APBA2: variants seen among roughly 807,000 people sequenced by gnomAD.
APBA2 encodes amyloid-beta A4 precursor protein-binding family A member 2.
A neutral mutation model predicts 75.0 loss-of-function variants in APBA2; 30 were observed. The observed-to-expected ratio is 0.40, with a 90% CI of 0.30 to 0.54. APBA2 has a LOEUF of 0.54. APBA2 is among the 20% of genes least tolerant of loss of function. APBA2 has a pLI of 0.49. For synonymous variants in APBA2, 444 were observed against 409.6 expected, an observed-to-expected ratio of 1.08 and a Z score of -1.01; for missense variants, 801 against 1,016.1, an observed-to-expected ratio of 0.79 and a Z score of 2.88.
intron 1 of APBA2, among the ~76,000 whole-genome samples, chr15:28,889,943 C>T (rs1181414814): frequency 1.3e-5 from 2 of 152,230 alleles, no homozygotes; most frequent in Non-Finnish European, 2.9e-5. Context: ...TCTTACCACT[C>T]AATTGTAAAA....
chr15:28,897,908 G>A (rs537998285), intron 1 of APBA2, among the ~76,000 whole-genome samples: 1 of 152,276 alleles, frequency 6.6e-6, no homozygotes, highest in African/African-American at 2.4e-5. Context: ...TGGTTTTGCA[G>A]ATGTGTTTAA....
rs778216048 is a variant in APBA2 at position 29,054,465 on chromosome 15, A to G, written c.581A>G (p.Gln194Arg). The change falls in exon 4 of 15, where the codon CAG becomes CGG. Residue 194 changes from glutamine to arginine, a missense_variant. By Grantham distance (43) the Gln-to-Arg change is conservative (BLOSUM62 1). This residue lies in a region of APBA2 where 434 missense variants were observed against 471.6 expected (regional missense o/e 0.92). Coordinates refer to ENST00000683413, the MANE Select transcript of APBA2 (RefSeq NM_001353788.2). This position sits in a 1 kb window ranked among gnomAD's most constrained non-coding sequence, Gnocchi z 6.1. ...TACTGTGCCAGCAAAGAGGGCTACC[A>G]GGACTACTACCCCGAGGAGGCCAAC... is the stretch of plus-strand genomic sequence containing the variant. Reference protein sequence around the residue: ...GHYCASKEGYQDYYPEEANGN... With the variant: ...GHYCASKEGYRDYYPEEANGN... 6.2e-7 allele frequency: 1 copy of G among 1,614,002 alleles called. No individual in the cohort carries two copies.
intron 4 of APBA2, among the ~76,000 whole-genome samples, chr15:29,068,099 T>C (rs1013137073): frequency 6.6e-6 from 1 of 152,226 alleles, no homozygotes; most frequent in Admixed American, 6.5e-5. Flanking sequence ...TTTCTCAGAA[T>C]GTGTGCAGGG....
intron 4 of APBA2, among the ~76,000 whole-genome samples, chr15:29,058,184 C>G (rs1416274007): frequency 6.6e-6 from 1 of 152,136 alleles, no homozygotes; most frequent in East Asian, 1.9e-4. Context: ...GATGTATTCA[C>G]AGAGGACATT....
chr15:29,085,479 T>C (rs1017305294), intron 6 of APBA2, among the ~76,000 whole-genome samples: 5 of 146,100 alleles, frequency 3.4e-5, no homozygotes, highest in Non-Finnish European at 5.9e-5. Context: ...GAGCCGAGAT[T>C]GCACCACTGC....
intron 1 of APBA2, among the ~76,000 whole-genome samples, chr15:28,913,045 C>A (rs1595443192): frequency 6.6e-6 from 1 of 152,326 alleles, no homozygotes; most frequent in East Asian, 1.9e-4. Context: ...CTATCTGGGA[C>A]AGGGACCATT....
intron 1 of APBA2, among the ~76,000 whole-genome samples, chr15:28,909,051 A>G (rs1460236285): frequency 1.3e-5 from 2 of 149,390 alleles, no homozygotes; most frequent in African/African-American, 2.5e-5. Flanking sequence ...CAGTGGTGCA[A>G]TCTCGGCTCA....
intron 8 of APBA2, among the ~76,000 whole-genome samples, chr15:29,095,849 A>G (rs919240912): frequency 1.3e-5 from 2 of 152,330 alleles, no homozygotes; most frequent in Admixed American, 1.3e-4. Context: ...AATGTGCCAC[A>G]CATTGCAGAC....
At chr15:28,975,652 AAAAAC>A (rs1200188700) in intron 2 of APBA2, among the ~76,000 whole-genome samples, 1 of 152,254 alleles carries the variant, frequency 6.6e-6, no homozygotes, top group Non-Finnish European at 1.5e-5. Context: ...GCATTAGGAA[AAAAAC>A]AAAACAAAAC....
chr15:29,065,476 A>G (rs1392196134), intron 4 of APBA2, among the ~76,000 whole-genome samples: 2 of 152,196 alleles, frequency 1.3e-5, no homozygotes, highest in Non-Finnish European at 2.9e-5. Flanking sequence ...ACATGTGACT[A>G]TGGTAATAGG....
At chr15:29,066,155 C>G (rs1008026060) in intron 4 of APBA2, among the ~76,000 whole-genome samples, 1 of 152,022 alleles carries the variant, frequency 6.6e-6, no homozygotes, top group Non-Finnish European at 1.5e-5. Context: ...ATAGCATGTT[C>G]ATTATTCATT....
chr15:29,021,519 G>A (rs552485608), intron 3 of APBA2, among the ~76,000 whole-genome samples: 44 of 152,228 alleles, frequency 2.9e-4, no homozygotes, highest in Middle Eastern at 3.4e-3. Context: ...CATATTTAAT[G>A]TACAACTTTG....
chr15:29,054,230 T>C lies in APBA2; in HGVS notation c.346T>C (p.Cys116Arg). 1.2e-6 allele frequency: 2 copies of C among 1,614,084 alleles called. No homozygotes were observed. The highest frequency in any genetic ancestry group is 1.7e-6 in the Non-Finnish European group (2 of 1,180,018). The change falls in exon 4 of 15, where the codon TGC becomes CGC. Residue 116 changes from cysteine to arginine, a missense_variant. This residue lies in a region of APBA2 where 434 missense variants were observed against 471.6 expected (regional missense o/e 0.92). Transcript: ENST00000683413. The surrounding 1 kb of genome is among the most constrained non-coding windows in gnomAD (Gnocchi z 6.1). ...EDDSYLEGMD[C>R]NGEEYLAHSA... ...CGACAGCTACCTAGAGGGCATGGACTGCAACGGGGAGGAGTACCTGGCCCA... is the reference window on the plus strand; with the variant it reads ...CGACAGCTACCTAGAGGGCATGGACCGCAACGGGGAGGAGTACCTGGCCCA...
At chr15:29,072,341 T>A (rs940798878) in intron 4 of APBA2, among the ~76,000 whole-genome samples, 1 of 152,178 alleles carries the variant, frequency 6.6e-6, no homozygotes, top group South Asian at 2.1e-4. Flanking sequence ...CGACGTGTGC[T>A]ATGTGCACCT....
intron 6 of APBA2, among the ~76,000 whole-genome samples, chr15:29,086,824 T>TTGTTTTATAATTATATAAAATAA (rs1341571292): frequency 2.4e-4 from 36 of 152,358 alleles, no homozygotes; most frequent in African/African-American, 6.5e-4. Context: ...CCATTTAATT[T>TTGTTTTATAATTATATAAAATAA]TGTTTTATAA....
At position 29,117,224 on chromosome 15, in the gene APBA2, C is replaced by A; in HGVS notation, c.*91C>A. On this transcript the variant is annotated 3_prime_UTR_variant, in exon 15 of 15. Coordinates refer to ENST00000683413, the MANE Select transcript of APBA2 (RefSeq NM_001353788.2). Reference sequence around the variant, plus strand: ...AGCCGGGCCGCAGACTTGACCCCGACGCCACAGCCCAGCCACGGACGCTGG... The same window carrying A: ...AGCCGGGCCGCAGACTTGACCCCGAAGCCACAGCCCAGCCACGGACGCTGG... 1 of 1,239,114 alleles carries A rather than the reference C, an allele frequency of 8.1e-7. No individual in the cohort carries two copies. 76.8% of individuals were successfully genotyped at this position (1,239,114 alleles called of 1,614,324 possible).
At chr15:29,032,586 A>C (rs1004897076) in intron 3 of APBA2, among the ~76,000 whole-genome samples, 1 of 152,132 alleles carries the variant, frequency 6.6e-6, no homozygotes, top group African/African-American at 2.4e-5. Context: ...TAGTTTTTTC[A>C]TCTGGTGATC....
chr15:29,003,529 T>C (rs2038958616), intron 3 of APBA2, among the ~76,000 whole-genome samples: 1 of 152,128 alleles, frequency 6.6e-6, no homozygotes, highest in Non-Finnish European at 1.5e-5. Context: ...GGAGTCTCTA[T>C]GGAGGTGGAA....
intron 1 of APBA2, among the ~76,000 whole-genome samples, chr15:28,911,184 T>G (rs960909041): frequency 4.6e-5 from 7 of 152,136 alleles, no homozygotes; most frequent in African/African-American, 1.7e-4. Flanking sequence ...CATCTTGGAT[T>G]TGGGGACTCT....
Sources: gnomAD v4.1 joint callset for allele counts (sites outside exome capture counted in the v4.1 genomes callset) on GRCh38, gnomAD v4.1.1 for gene constraint, gnomAD v4.1.1 regional missense constraint, Gnocchi (gnomAD v3.1) non-coding constraint, MANE v1.5 for transcripts, NCBI Gene and HGNC (gene_info 2026-07-23, HGNC 2026-07-21) for gene names.